Variants in ELOVL5 observed in about 807,000 individuals in gnomAD.
ELOVL5 encodes the protein very long chain fatty acid elongase 5.
ELOVL5 carries 8 observed loss-of-function variants against 38.6 expected under a neutral mutation model. The ratio of observed to expected loss-of-function variants is 0.21; its 90% confidence interval spans 0.12 to 0.37. ELOVL5 has a LOEUF of 0.37. Among genes scored for constraint, ELOVL5 ranks in the 10% least tolerant of loss-of-function variants. The pLI, the probability that ELOVL5 is intolerant of heterozygous loss-of-function variation, is 1.00. For missense variants in ELOVL5, 280 were observed against 367.8 expected (o/e 0.76, Z 1.95); for synonymous variants, 127 against 133.7 (o/e 0.95, Z 0.34).
intron 1 of ELOVL5, among the ~76,000 whole-genome samples, chr6:53,335,335 G>C (rs940421739): frequency 1.3e-5 from 2 of 152,202 alleles, no homozygotes; most frequent in Non-Finnish European, 2.9e-5. Context: ...TCAGAACCCT[G>C]TCTCCCTCTG....
intron 3 of ELOVL5, chr6:53,276,857 T>C (rs945779301): frequency 3.3e-5 from 5 of 152,078 alleles, no homozygotes; most frequent in East Asian, 3.9e-4. Context: ...TTTCCTGTTG[T>C]TGTATGTACA....
intron 1 of ELOVL5, among the ~76,000 whole-genome samples, chr6:53,308,622 T>G (rs1284112958): frequency 6.6e-6 from 1 of 152,168 alleles, no homozygotes; most frequent in Non-Finnish European, 1.5e-5. Context: ...AAATATCTTT[T>G]TGAAAAGATC....
intron 2 of ELOVL5, chr6:53,294,441 C>T (rs1239272337): frequency 6.4e-7 from 1 of 1,550,612 alleles, no homozygotes; most frequent in Non-Finnish European, 8.7e-7. Context: ...TGTAGCCATC[C>T]TACAACTGTG....
In ELOVL5 at chr6:53,338,854, T is replaced by G. The variant is rs144928885; in HGVS notation, c.-9+9963A>C. Among the ~76,000 whole-genome samples the G allele has an allele frequency of 3.8e-3, 582 of 152,356 alleles. 2 individuals carry two copies. The highest frequency in any genetic ancestry group is 0.012 in the African/African-American group (514 of 41,584). The stretch of plus-strand genomic sequence containing the variant: ...TTTGAGGAAATTATCAATTGAGTTC[T>G]CCAACCTAATTTGTGCAAAGTATAC... On this transcript the variant is annotated intron_variant, in intron 1 of 7. Transcript: ENST00000304434.
intron 1 of ELOVL5, among the ~76,000 whole-genome samples, chr6:53,317,301 C>T (rs1768090234): frequency 6.6e-6 from 1 of 152,190 alleles, no homozygotes; most frequent in Non-Finnish European, 1.5e-5. Context: ...ATTTAAAAAC[C>T]TAATCCAGTT....
At chr6:53,325,476 C>A (rs561268526) in intron 1 of ELOVL5, among the ~76,000 whole-genome samples, 16 of 152,302 alleles carry the variant, frequency 1.1e-4, no homozygotes, top group African/African-American at 3.8e-4. Context: ...TATTCATAAG[C>A]ACTCTTCTGG....
intron 3 of ELOVL5, chr6:53,290,559 C>G (rs1387590024): frequency 1.3e-5 from 2 of 151,810 alleles, no homozygotes; most frequent in Admixed American, 1.3e-4. Flanking sequence ...GAAAAAAAAG[C>G]AAAAAAAGGA....
chr6:53,297,093 G>A (rs926231800), intron 1 of ELOVL5, among the ~76,000 whole-genome samples: 2 of 152,164 alleles, frequency 1.3e-5, no homozygotes, highest in African/African-American at 4.8e-5. Context: ...GCCCAAGGGT[G>A]ATTGGGGAGG....
intron 5 of ELOVL5, 55 bp from the exon 6 acceptor site, chr6:53,273,399 A>G: frequency 1.3e-6 from 2 of 1,495,988 alleles, no homozygotes; most frequent in Non-Finnish European, 1.8e-6. Context: ...TAAACAGAAC[A>G]GGTGGTAAAA....
Position 53,269,244 on chromosome 6 carries a change from T to C in ELOVL5, c.783A>G (p.Arg261=), listed in dbSNP as rs1561859922. Reference sequence around the variant, plus strand: ...GGTGGTCCTTCAGGTGGTCTTTCCTTCGGGAGGCCCCTTTCTTGTTGTAGG... The same window carrying C: ...GGTGGTCCTTCAGGTGGTCTTTCCTCCGGGAGGCCCCTTTCTTGTTGTAGG... ...IQTYNKKGAS[R]RKDHLKDHQN... is the part of the protein sequence containing the mutation. Residue 261 remains arginine (R), a synonymous_variant, in exon 8 of 8, where the codon CGA becomes CGG. Transcript: ENST00000304434. The C allele has an allele frequency of 4.3e-6, 7 of 1,612,086 alleles. No individual in the cohort carries two copies. The highest frequency in any genetic ancestry group is 5.9e-6 in the Non-Finnish European group (7 of 1,179,008).
At chr6:53,312,313 G>A (rs186069522) in intron 1 of ELOVL5, among the ~76,000 whole-genome samples, 79 of 152,274 alleles carry the variant, frequency 5.2e-4, no homozygotes, top group Middle Eastern at 3.4e-3. Context: ...TCCAACAGGT[G>A]AATTGTTAAA....
At chr6:53,270,764 G>A in intron 6 of ELOVL5, 37 bp from the exon 7 acceptor site, 1 of 1,610,064 alleles carries the variant, frequency 6.2e-7, no homozygotes, top group Non-Finnish European at 8.5e-7. Flanking sequence ...AACAGGGACA[G>A]TGCATGGACG....
chr6:53,311,524 T>C (rs1767830964), intron 1 of ELOVL5, among the ~76,000 whole-genome samples: 1 of 152,152 alleles, frequency 6.6e-6, no homozygotes, highest in Non-Finnish European at 1.5e-5. Context: ...CTCTAAAACC[T>C]GTACACAAAT....
At position 53,267,615 on chromosome 6, in the gene ELOVL5, C is replaced by T. The variant is rs896175299; in HGVS notation, c.*1512G>A. 2.0e-5 allele frequency: 3 copies of T among 152,516 alleles called. No homozygotes were observed. Among genetic ancestry groups the T allele is most frequent in the Non-Finnish European group, 2.9e-5 (2 of 68,026 alleles). 9.4% of individuals were successfully genotyped at this position (152,516 alleles called of 1,614,324 possible). ...TGATAAGGTAAATGTAAACAGATGC[C>T]ATGACTCCTTTTCAAACAGAAAACC... On this transcript the variant is annotated 3_prime_UTR_variant, in exon 8 of 8. Transcript: ENST00000304434.
At chr6:53,286,822 A>G (rs1766590935) in intron 3 of ELOVL5, among the ~76,000 whole-genome samples, 2 of 152,218 alleles carry the variant, frequency 1.3e-5, no homozygotes, top group Admixed American at 1.3e-4. Context: ...ATGGTTTTTA[A>G]AAACTATCTT....
At chr6:53,317,809 A>T (rs191978120) in intron 1 of ELOVL5, among the ~76,000 whole-genome samples, 7 of 150,392 alleles carry the variant, frequency 4.7e-5, no homozygotes, top group East Asian at 1.9e-4. Context: ...ATAAAATTTT[A>T]AAAAAAGATG....
At position 53,338,003 on chromosome 6, in the gene ELOVL5, A is replaced by G. The variant is rs139241492; in HGVS notation, c.-9+10814T>C. 5.2e-3 allele frequency among the ~76,000 whole-genome samples: 798 copies of G among 152,302 alleles called. 7 individuals are homozygous for G. The highest frequency in any genetic ancestry group is 0.017 in the African/African-American group (709 of 41,570). On this transcript the variant is annotated intron_variant, in intron 1 of 7. Coordinates refer to ENST00000304434, the MANE Select transcript of ELOVL5 (RefSeq NM_021814.5). ...GATGGTGCTCCTGACTACGTTGGCC[A>G]ACAGGGGAGGTATGTGGGGCACCCA...
chr6:53,280,241 T>C (rs189664806), intron 3 of ELOVL5, among the ~76,000 whole-genome samples: 1 of 152,274 alleles, frequency 6.6e-6, no homozygotes, highest in East Asian at 1.9e-4. Flanking sequence ...GACAGGACTA[T>C]ACTATAATGA....
intron 1 of ELOVL5, among the ~76,000 whole-genome samples, chr6:53,329,694 G>C (rs926263222): frequency 6.6e-6 from 1 of 152,048 alleles, no homozygotes; most frequent in Non-Finnish European, 1.5e-5. Context: ...CATGGTAGTA[G>C]GCACCTGTAA....
Sources: allele counts gnomAD v4.1 joint callset (sites outside exome capture counted in the v4.1 genomes callset), GRCh38; gene constraint gnomAD v4.1.1; transcripts MANE v1.5; gene names NCBI Gene and HGNC (gene_info 2026-07-23, HGNC 2026-07-21).